Variants in PNPLA7 observed in about 807,000 individuals in gnomAD.
PNPLA7 encodes the protein patatin like domain 7, lysophospholipase, also known as patatin-like phospholipase domain-containing protein 7.
In PNPLA7, 153 loss-of-function variants were observed where a neutral mutation model predicts 161.7. The ratio of observed to expected loss-of-function variants is 0.95; its 90% confidence interval spans 0.83 to 1.08. The LOEUF is 1.08. Among genes scored for constraint, PNPLA7 ranks in the 50% least tolerant of loss-of-function variants. PNPLA7 has a pLI of 0.00. For synonymous variants in PNPLA7, 809 were observed against 782.1 expected (o/e 1.03, Z -0.57); for missense variants, 1,739 against 1,856.6 (o/e 0.94, Z 1.16).
At chr9:137,462,591 C>G (rs1383314336) in intron 30 of PNPLA7, 94 bp downstream of exon 30, 4 of 1,513,328 alleles carry the variant, frequency 2.6e-6, no homozygotes, top group African/African-American at 2.8e-5. Context: ...GGCCTCAGAG[C>G]CCAGGAGCGA....
intron 14 of PNPLA7, among the ~76,000 whole-genome samples, chr9:137,503,897 AG>A (rs1833718461): frequency 1.4e-5 from 2 of 148,070 alleles, no homozygotes; most frequent in East Asian, 2.0e-4. Flanking sequence ...AGGAAGAAGA[AG>A]AAGGAAGAAG....
chr9:137,501,531 C>A, intron 15 of PNPLA7, 119 bp downstream of exon 15: 1 of 969,756 alleles, frequency 1.0e-6, no homozygotes, highest in Non-Finnish European at 1.5e-6. Context: ...GGGGCAGTGG[C>A]CCGGTGCTGG....
In PNPLA7 at chr9:137,540,886, CT is replaced by C. The variant is rs1836165492; in HGVS notation, c.667-165del. On this transcript the variant is annotated intron_variant, in intron 7 of 34. Transcript: ENST00000406427. The surrounding 1 kb of genome is among the most constrained non-coding windows in gnomAD (Gnocchi z 5.1). ...ATGGAGGGCAGGGGACAAGATGGAC[CT>C]GCTGGCATCAGGGGTACAACACACA... The C allele has an allele frequency of 4.8e-6, 3 of 618,644 alleles. 1 individual carries two copies. Among genetic ancestry groups the C allele is most frequent in the South Asian group, 3.5e-5 (2 of 56,402 alleles). 38.3% of individuals were successfully genotyped at this position (618,644 alleles called of 1,614,324 possible).
At chr9:137,471,597 C>CAAA (rs11451865) in intron 25 of PNPLA7, among the ~76,000 whole-genome samples, 23 of 105,746 alleles carry the variant, frequency 2.2e-4, no homozygotes, top group African/African-American at 6.2e-4. Flanking sequence ...GACTCCGTCT[C>CAAA]AAAAAAAAAA....
chr9:137,492,953 C>T (rs969758726), intron 20 of PNPLA7, 60 bp downstream of exon 20: 158 of 1,073,148 alleles, frequency 1.5e-4, no homozygotes, highest in Middle Eastern at 3.8e-4. Context: ...GCTGGGTGGG[C>T]GGGGCTCCAG....
At chr9:137,488,399 C>G (rs1832601239) in intron 20 of PNPLA7, among the ~76,000 whole-genome samples, 1 of 152,198 alleles carries the variant, frequency 6.6e-6, no homozygotes, top group African/African-American at 2.4e-5. Context: ...ATGGCCTTAG[C>G]CTTGGGAAAA....
At chr9:137,480,125 C>CG (rs1211381937) in intron 23 of PNPLA7, among the ~76,000 whole-genome samples, 187 bp downstream of exon 23, 2 of 152,234 alleles carry the variant, frequency 1.3e-5, no homozygotes, top group African/African-American at 4.8e-5. Flanking sequence ...TGCCCTGCTC[C>CG]GTGCTAGAAC....
In PNPLA7 at chr9:137,540,258, G is replaced by A. The variant is rs1836120882; in HGVS notation, c.747+384C>T. On this transcript the variant is annotated intron_variant, in intron 8 of 34. Transcript: ENST00000406427. The surrounding 1 kb of genome is among the most constrained non-coding windows in gnomAD (Gnocchi z 5.1). Reference sequence around the variant, plus strand: ...ACAGAAAGACGGCGCCAGCAGGGAAGAGCCCAGCAGGACCTGCAGGAAACG... The same window carrying A: ...ACAGAAAGACGGCGCCAGCAGGGAAAAGCCCAGCAGGACCTGCAGGAAACG... 6.6e-6 allele frequency among the ~76,000 whole-genome samples: 1 copy of A among 152,252 alleles called. No homozygotes were observed. The highest frequency in any genetic ancestry group is 1.5e-5 in the Non-Finnish European group (1 of 68,050).
intron 8 of PNPLA7, among the ~76,000 whole-genome samples, chr9:137,538,123 A>C (rs1835992033): frequency 6.6e-6 from 1 of 152,152 alleles, no homozygotes; most frequent in African/African-American, 2.4e-5. Context: ...CTCTGCCCCA[A>C]GCCACGCTGG....
At chr9:137,474,720 AGCTC>A (rs1431277675) in intron 25 of PNPLA7, among the ~76,000 whole-genome samples, 1 of 152,160 alleles carries the variant, frequency 6.6e-6, no homozygotes, top group Admixed American at 6.5e-5. Flanking sequence ...GACCATCAGA[AGCTC>A]CAGGAAGGCT....
At chr9:137,519,892 T>C in intron 11 of PNPLA7, 25 bp downstream of exon 11, 1 of 1,599,604 alleles carries the variant, frequency 6.3e-7, no homozygotes, top group South Asian at 1.1e-5. Flanking sequence ...GGCTGGACAT[T>C]GCCCTCCTTG....
At chr9:137,493,528 A>G (rs1000029641) in intron 19 of PNPLA7, among the ~76,000 whole-genome samples, 5 of 152,210 alleles carry the variant, frequency 3.3e-5, no homozygotes, top group Non-Finnish European at 7.3e-5. Context: ...GGTTGGGGAC[A>G]TTTGTCCTGA....
At chr9:137,505,492 A>G (rs1392300623) in intron 14 of PNPLA7, 122 bp downstream of exon 14, 2 of 1,195,304 alleles carry the variant, frequency 1.7e-6, no homozygotes, top group African/African-American at 1.5e-5. Flanking sequence ...CCTGCACTCC[A>G]CCCAAAACAC....
At chr9:137,502,730 G>GGGGGGACGCGGGGGGACGCGGGGGACGA (rs1554767770) in intron 14 of PNPLA7, among the ~76,000 whole-genome samples, 1 of 40,986 alleles carries the variant, frequency 2.4e-5, no homozygotes, top group African/African-American at 1.4e-4. Context: ...GCGGGGGACG[G>GGGGGGACGCGGGGGGACGCGGGGGACGA]GGGGGACGAG....
intron 21 of PNPLA7, 89 bp downstream of exon 21, chr9:137,484,498 G>A (rs977026716): frequency 1.3e-5 from 18 of 1,391,316 alleles, no homozygotes; most frequent in South Asian, 9.7e-5. Context: ...CCACCGCCGC[G>A]TCCCCTCGAA....
rs187841400 is a variant in PNPLA7, at chr9:137,467,716, G to C, written c.2883-243C>G. Among the ~76,000 whole-genome samples, 1 of 152,282 alleles carries C rather than the reference G, an allele frequency of 6.6e-6. No individual in the cohort carries two copies. Among genetic ancestry groups the C allele is most frequent in the South Asian group, 2.1e-4 (1 of 4,816 alleles). On this transcript the variant is annotated intron_variant, in intron 25 of 34. Coordinates refer to ENST00000406427, the MANE Select transcript of PNPLA7 (RefSeq NM_001098537.3). This position sits in a 1 kb window ranked among gnomAD's most constrained non-coding sequence, Gnocchi z 5.1. ...AGTTCGAGACCAGCCTGGCCAACAG[G>C]GCAAAATTCCATCTCTACTAAAAAT...
In PNPLA7 at chr9:137,500,715, G is replaced by A. The variant is rs1833352232; in HGVS notation, c.1733C>T (p.Ser578Phe). Residue 578 changes from serine (S) to phenylalanine (F), a missense_variant, in exon 16 of 35, where the codon TCC becomes TTC. By Grantham distance (155) the Ser-to-Phe change is radical. This residue lies in a region of PNPLA7 where 481 missense variants were observed against 450.0 expected (regional missense o/e 1.07). Transcript: ENST00000406427. This position sits in a 1 kb window ranked among gnomAD's most constrained non-coding sequence, Gnocchi z 5.5. ...VKANRDCSFL[S>F]ISKAHFYEIM... ...CTCATAGAAGTGGGCCTTGGAGATG[G>A]ACAGGAAGCTGCAGTCCCTGTTGGC... 6.2e-7 allele frequency: 1 copy of A among 1,612,296 alleles called. No homozygotes were observed. The highest frequency in any genetic ancestry group is 1.3e-5 in the African/African-American group (1 of 74,912).
chr9:137,517,340 C>T (rs570247286), intron 11 of PNPLA7, among the ~76,000 whole-genome samples: 81 of 104,204 alleles, frequency 7.8e-4, no homozygotes, highest in African/African-American at 3.4e-3. Context: ...CACTCCATCC[C>T]CCACTCACTC....
intron 10 of PNPLA7, 96 bp downstream of exon 10, chr9:137,521,540 C>G: frequency 8.3e-7 from 1 of 1,201,938 alleles, no homozygotes; most frequent in Non-Finnish European, 1.2e-6. Context: ...TGGCACTGCC[C>G]CACCAGGCAC....
Sources: gnomAD v4.1 joint callset for allele counts (sites outside exome capture counted in the v4.1 genomes callset) on GRCh38, gnomAD v4.1.1 for gene constraint, gnomAD v4.1.1 regional missense constraint, Gnocchi (gnomAD v3.1) non-coding constraint, MANE v1.5 for transcripts, NCBI Gene and HGNC (gene_info 2026-07-23, HGNC 2026-07-21) for gene names.